SLC24A3: variants seen among roughly 807,000 people sequenced by gnomAD.
SLC24A3 encodes sodium/potassium/calcium exchanger 3.
In SLC24A3, 28 loss-of-function variants were observed where a neutral mutation model predicts 75.8. The observed-to-expected ratio is 0.37, with a 90% CI of 0.27 to 0.51. The LOEUF (loss-of-function observed/expected upper bound fraction) is 0.51. Ranked by LOEUF, SLC24A3 falls within the 20% of genes least tolerant of loss-of-function variation. SLC24A3 has a pLI of 0.94. For synonymous variants in SLC24A3, 372 were observed against 334.1 expected (o/e 1.11, Z -1.24); for missense variants, 663 against 847.8 (o/e 0.78, Z 2.71).
intron 2 of SLC24A3, among the ~76,000 whole-genome samples, chr20:19,314,882 T>C (rs1224336898): frequency 6.6e-6 from 1 of 152,242 alleles, no homozygotes; most frequent in East Asian, 1.9e-4. Context: ...ACGTTTCAGA[T>C]GTGTGATTTA....
rs542249017 is a variant in SLC24A3, at chr20:19,416,519, G to A, written c.272-98969G>A. Among the ~76,000 whole-genome samples, 40 of 152,294 alleles carry A rather than the reference G, an allele frequency of 2.6e-4. No individual in the cohort carries two copies. In the South Asian group the frequency reaches 7.5e-3, roughly 28 times the overall value. ...TTGATAAGGGTCCTTCTCCCTCACA[G>A]ACAAGGACACCAGTGAGGAGAGTGG... On this transcript the variant is annotated intron_variant, in intron 2 of 16. Transcript: ENST00000328041.
intron 7 of SLC24A3, among the ~76,000 whole-genome samples, chr20:19,663,422 C>T (rs1384629599): frequency 2.2e-4 from 20 of 91,388 alleles, no homozygotes; most frequent in African/African-American, 4.5e-4. Flanking sequence ...CCTCCTCCTC[C>T]TCCTCCTCCT....
intron 1 of SLC24A3, among the ~76,000 whole-genome samples, chr20:19,263,551 C>G (rs753200715): frequency 5.7e-4 from 87 of 152,312 alleles, no homozygotes; most frequent in Non-Finnish European, 1.1e-3. Context: ...CAAGCCTCCC[C>G]GTTTCTCAGG....
At chr20:19,703,616 A>G (rs1369590658) in intron 15 of SLC24A3, among the ~76,000 whole-genome samples, 1 of 152,248 alleles carries the variant, frequency 6.6e-6, no homozygotes, top group Non-Finnish European at 1.5e-5. Context: ...CATATCCTCT[A>G]GGATAAGCAT....
intron 2 of SLC24A3, among the ~76,000 whole-genome samples, chr20:19,396,988 A>C (rs1986464475): frequency 6.6e-6 from 1 of 152,262 alleles, no homozygotes; most frequent in Admixed American, 6.5e-5. Flanking sequence ...AATTTAGAAC[A>C]GAACTTGGCC....
At chr20:19,596,369 C>T (rs1367506475) in intron 6 of SLC24A3, among the ~76,000 whole-genome samples, 1 of 152,180 alleles carries the variant, frequency 6.6e-6, no homozygotes, top group Non-Finnish European at 1.5e-5. Context: ...TCATGGAACA[C>T]TCCTGGATAT....
chr20:19,506,881 T>C (rs1988469549), intron 2 of SLC24A3, among the ~76,000 whole-genome samples: 1 of 152,166 alleles, frequency 6.6e-6, no homozygotes, highest in African/African-American at 2.4e-5. Flanking sequence ...TCCAATGTTA[T>C]TAAGATATGA....
intron 3 of SLC24A3, among the ~76,000 whole-genome samples, chr20:19,573,325 A>T (rs183350432): frequency 5.3e-5 from 8 of 152,306 alleles, no homozygotes; most frequent in African/African-American, 1.9e-4. Flanking sequence ...CCATTTAACC[A>T]CTGTAGACAA....
chr20:19,262,330 G>A (rs924712676), intron 1 of SLC24A3, among the ~76,000 whole-genome samples: 66 of 150,202 alleles, frequency 4.4e-4, no homozygotes, highest in African/African-American at 1.5e-3. Flanking sequence ...GCGTGAACCC[G>A]GGAGGCGGAG....
intron 2 of SLC24A3, among the ~76,000 whole-genome samples, chr20:19,317,599 G>A (rs376859019): frequency 1.1e-4 from 17 of 152,112 alleles, no homozygotes; most frequent in East Asian, 3.9e-4. Flanking sequence ...CCCATCCCCC[G>A]CCCCAGGACA....
At position 19,212,718 on chromosome 20, in the gene SLC24A3, G is replaced by A. The variant is rs534797867; in HGVS notation, c.-125G>A. The A allele has an allele frequency of 1.8e-3, 1,334 of 755,784 alleles. 11 individuals carry two copies. In the African/African-American group the frequency reaches 0.019, roughly 11 times the overall value. The allele number at this position is 755,784 out of a possible 1,614,324, so 46.8% of individuals were successfully genotyped here. ...GAAGAGGAGGCGGAGGCGGCGGCCGGGTGGGAGCGCAGCGAGGACGCGCGG... is the reference window on the plus strand; with the variant it reads ...GAAGAGGAGGCGGAGGCGGCGGCCGAGTGGGAGCGCAGCGAGGACGCGCGG... On this transcript the variant is annotated 5_prime_UTR_variant, in exon 1 of 17. Coordinates refer to ENST00000328041, the MANE Select transcript of SLC24A3 (RefSeq NM_020689.4).
chr20:19,717,072 T>G (rs1025559156), intron 15 of SLC24A3, among the ~76,000 whole-genome samples: 3 of 152,228 alleles, frequency 2.0e-5, no homozygotes, highest in Middle Eastern at 6.3e-3. Context: ...GACAGAGACA[T>G]TTTGGTGCAA....
intron 2 of SLC24A3, among the ~76,000 whole-genome samples, chr20:19,408,220 C>T (rs1390406699): frequency 2.0e-5 from 3 of 152,040 alleles, no homozygotes; most frequent in East Asian, 3.8e-4. Context: ...GTAAAAAATA[C>T]TAATTATATC....
At chr20:19,403,126 C>G (rs1432934259) in intron 2 of SLC24A3, among the ~76,000 whole-genome samples, 3 of 152,162 alleles carry the variant, frequency 2.0e-5, no homozygotes, top group African/African-American at 7.2e-5. Flanking sequence ...TCACATAGAA[C>G]AGATAATAAG....
At chr20:19,601,826 A>G (rs1286485734) in intron 6 of SLC24A3, among the ~76,000 whole-genome samples, 1 of 152,224 alleles carries the variant, frequency 6.6e-6, no homozygotes, top group Non-Finnish European at 1.5e-5. Context: ...TAAGACTCCT[A>G]TTACTAATAA....
intron 1 of SLC24A3, among the ~76,000 whole-genome samples, chr20:19,253,615 G>A (rs189600388): frequency 6.6e-5 from 10 of 152,338 alleles, no homozygotes; most frequent in African/African-American, 2.4e-4. Flanking sequence ...GTTGACCAGT[G>A]AGGGGCTGTG....
intron 2 of SLC24A3, among the ~76,000 whole-genome samples, chr20:19,304,445 G>T (rs1487217529): frequency 1.3e-5 from 2 of 152,084 alleles, no homozygotes; most frequent in Non-Finnish European, 1.5e-5. Flanking sequence ...ACTTGCAATG[G>T]CCCTTCCAAG....
At chr20:19,676,646 C>A (rs2032527423) in intron 9 of SLC24A3, among the ~76,000 whole-genome samples, 1 of 152,186 alleles carries the variant, frequency 6.6e-6, no homozygotes, top group African/African-American at 2.4e-5. Context: ...ATATTAGAAT[C>A]GTCAGCTGCC....
intron 2 of SLC24A3, among the ~76,000 whole-genome samples, chr20:19,436,426 T>C (rs6081598): frequency 0.54 from 82,165 of 152,040 alleles, 23,904 homozygotes; most frequent in East Asian, 0.92. Flanking sequence ...CTGAAAAGGT[T>C]CAGTATGCTC....
Sources: gnomAD v4.1 joint callset for allele counts (sites outside exome capture counted in the v4.1 genomes callset) on GRCh38, gnomAD v4.1.1 for gene constraint, MANE v1.5 for transcripts, NCBI Gene and HGNC (gene_info 2026-07-23, HGNC 2026-07-21) for gene names.